IDO2: variants seen among roughly 807,000 people sequenced by gnomAD.
IDO2 encodes indoleamine 2,3-dioxygenase 2, also known as indoleamine 2,3-dioxygenase-like 1 protein.
A neutral mutation model predicts 45.1 loss-of-function variants in IDO2; 46 were observed. That is an observed-to-expected ratio of 1.02 (90% CI 0.80 to 1.30). The LOEUF (loss-of-function observed/expected upper bound fraction) is 1.30, where lower values mean the gene tolerates loss of function less well. IDO2 is among the 50% of genes most tolerant of loss of function. The probability of loss-of-function intolerance (pLI) is 0.00; values close to 1 mark genes in which losing one functional copy is unlikely to be tolerated. For missense variants in IDO2, 544 were observed against 491.8 expected (o/e 1.11, Z -1.00); for synonymous variants, 218 against 184.9 (o/e 1.18, Z -1.45).
chr8:39,954,829 G>C (rs1245860646), intron 2 of IDO2, among the ~76,000 whole-genome samples: 3 of 151,338 alleles, frequency 2.0e-5, no homozygotes, highest in Non-Finnish European at 4.4e-5. Context: ...CTAATTTTTT[G>C]TATTTTTAGT....
At chr8:40,015,806 C>G in exon 11 of IDO2, 1 of 566,334 alleles carries the variant, frequency 1.8e-6, no homozygotes, top group Non-Finnish European at 3.1e-6. Flanking sequence ...TCCCTCCCTA[C>G]CTGATCACTG....
At chr8:39,985,626 T>C in intron 6 of IDO2, 104 bp downstream of exon 6, 1 of 902,460 alleles carries the variant, frequency 1.1e-6, no homozygotes, top group South Asian at 1.6e-5. Context: ...TATAATATAA[T>C]ATCAACCATA....
intron 1 of IDO2, among the ~76,000 whole-genome samples, chr8:39,937,296 G>A (rs1340617385): frequency 1.3e-5 from 2 of 152,008 alleles, no homozygotes; most frequent in South Asian, 2.1e-4. Context: ...AACCAGGTAC[G>A]GAAAAAATGA....
intron 8 of IDO2, among the ~76,000 whole-genome samples, chr8:40,004,286 A>T (rs1283581766): frequency 6.6e-6 from 1 of 152,190 alleles, no homozygotes; most frequent in Non-Finnish European, 1.5e-5. Context: ...CACTTCAGAG[A>T]AATTAGGGAG....
intron 10 of IDO2, 89 bp from the exon 11 acceptor site, chr8:40,015,157 GA>G (rs5891076): frequency 0.98 from 639,276 of 653,352 alleles, 312,753 homozygotes; most frequent in East Asian, 0.99. Flanking sequence ...CTCATCTAGA[GA>G]AAAAAAAAAT....
intron 6 of IDO2, chr8:39,987,593 C>T (rs1313310488): frequency 2.3e-5 from 7 of 299,684 alleles, no homozygotes; most frequent in Non-Finnish European, 6.2e-6. Flanking sequence ...TCTCATTCAG[C>T]CAGTTATTCC....
chr8:39,949,720 C>T (rs1043396766), intron 2 of IDO2, among the ~76,000 whole-genome samples: 2 of 152,134 alleles, frequency 1.3e-5, no homozygotes, highest in Non-Finnish European at 2.9e-5. Context: ...TAATGCAGAT[C>T]CCCCCAGGAG....
At chr8:39,973,536 T>C (rs1808211648) in intron 3 of IDO2, among the ~76,000 whole-genome samples, 1 of 152,048 alleles carries the variant, frequency 6.6e-6, no homozygotes, top group South Asian at 2.1e-4. Context: ...TTATAATCAT[T>C]GACAATGTGA....
chr8:39,989,208 T>C (rs1388766424), intron 7 of IDO2, among the ~76,000 whole-genome samples: 2 of 152,030 alleles, frequency 1.3e-5, no homozygotes, highest in African/African-American at 4.8e-5. Flanking sequence ...CAATCAGATT[T>C]TGTGAAAACT....
At position 39,987,613 on chromosome 8, in the gene IDO2, A is replaced by G. The variant is rs560554602; in HGVS notation, c.450-258A>G. 1.9e-3 allele frequency: 689 copies of G among 354,930 alleles called. 1 individual carries two copies. The highest frequency in any genetic ancestry group is 2.9e-3 in the Non-Finnish European group (573 of 195,214). The allele number at this position is 354,930 out of a possible 1,614,324, so 22.0% of individuals were successfully genotyped here. A position where few individuals can be genotyped will look rare whatever the true frequency, so the allele number is the denominator to read the frequency against. ...TTCAGCCAGTTATTCCACTGCGGAG[A>G]TGGTCCAGGACCATTAGGGCCATGC... On this transcript the variant is annotated intron_variant, in intron 6 of 10. Coordinates refer to ENST00000502986, the Ensembl canonical transcript of IDO2.
chr8:40,000,455 T>C (rs1563439944), intron 8 of IDO2, among the ~76,000 whole-genome samples: 1 of 152,140 alleles, frequency 6.6e-6, no homozygotes. Flanking sequence ...TCATGATATA[T>C]TATTTTGTTT....
chr8:39,982,538 G>T, intron 4 of IDO2, 114 bp from the exon 5 acceptor site: 1 of 662,240 alleles, frequency 1.5e-6, no homozygotes, highest in Non-Finnish European at 2.5e-6. Context: ...ATTCAAGCTT[G>T]GTTCCCAGAT....
intron 9 of IDO2, among the ~76,000 whole-genome samples, chr8:40,011,296 T>C (rs1802307652): frequency 6.6e-6 from 1 of 152,212 alleles, no homozygotes; most frequent in Non-Finnish European, 1.5e-5. Context: ...ACTGACCCTT[T>C]GAGAGTGCAA....
intron 2 of IDO2, among the ~76,000 whole-genome samples, chr8:39,955,068 C>T (rs950189500): frequency 1.3e-5 from 2 of 150,926 alleles, no homozygotes; most frequent in Admixed American, 6.7e-5. Flanking sequence ...GGGCCTATCT[C>T]CAAATACAGT....
chr8:39,976,436 C>T (rs1430806688), intron 3 of IDO2, among the ~76,000 whole-genome samples: 1 of 152,160 alleles, frequency 6.6e-6, no homozygotes. Flanking sequence ...AAATTTTGGT[C>T]AAGTTCTATT....
At chr8:40,003,631 A>C (rs952586815) in intron 8 of IDO2, among the ~76,000 whole-genome samples, 1 of 152,282 alleles carries the variant, frequency 6.6e-6, no homozygotes, top group Non-Finnish European at 1.5e-5. Context: ...TCTAATAATT[A>C]TCAGTAGATT....
chr8:39,981,250 C>T (rs1233250910), intron 4 of IDO2, among the ~76,000 whole-genome samples: 12 of 151,792 alleles, frequency 7.9e-5, no homozygotes, highest in South Asian at 2.1e-4. Flanking sequence ...TTAGTAAAGA[C>T]GGCGTTTCAC....
chr8:39,971,728 C>T (rs192766078), intron 3 of IDO2, among the ~76,000 whole-genome samples: 20 of 152,206 alleles, frequency 1.3e-4, no homozygotes, highest in African/African-American at 3.6e-4. Flanking sequence ...CTGGAGATGT[C>T]GCAGAAATAG....
At chr8:39,975,480 G>C (rs1808245914) in intron 3 of IDO2, among the ~76,000 whole-genome samples, 1 of 152,112 alleles carries the variant, frequency 6.6e-6, no homozygotes. Flanking sequence ...ATGTTCAACA[G>C]ACATTTTGTG....
Sources: gnomAD v4.1 joint callset for allele counts (sites outside exome capture counted in the v4.1 genomes callset) on GRCh38, gnomAD v4.1.1 for gene constraint, MANE v1.5 for transcripts, NCBI Gene and HGNC (gene_info 2026-07-23, HGNC 2026-07-21) for gene names.